Variants in PTK2B observed in about 807,000 individuals in gnomAD.
The protein encoded by PTK2B is protein tyrosine kinase 2 beta, also known as protein-tyrosine kinase 2-beta.
In PTK2B, 71 loss-of-function variants were observed where a neutral mutation model predicts 142.9. That is an observed-to-expected ratio of 0.50 (90% CI 0.41 to 0.61). The LOEUF is 0.61. PTK2B is among the 20% of genes least tolerant of loss of function. The pLI is 0.00. For synonymous variants in PTK2B, 519 were observed against 503.4 expected, an observed-to-expected ratio of 1.03 and a Z score of -0.42; for missense variants, 1,105 against 1,320.4, an observed-to-expected ratio of 0.84 and a Z score of 2.53.
intron 1 of PTK2B, among the ~76,000 whole-genome samples, chr8:27,354,557 G>C (rs1805289320): frequency 6.6e-6 from 1 of 152,216 alleles, no homozygotes; most frequent in Admixed American, 6.5e-5. Context: ...CGGCAGGTAT[G>C]TTGACTGTTG....
chr8:27,326,040 T>C (rs758186631), intron 1 of PTK2B, among the ~76,000 whole-genome samples: 1 of 151,452 alleles, frequency 6.6e-6, no homozygotes, highest in Non-Finnish European at 1.5e-5. Context: ...AGCCACGGGG[T>C]TTCAGCTCCT....
upstream of PTK2B, among the ~76,000 whole-genome samples, chr8:27,320,790 G>A (rs1586071998): frequency 6.6e-6 from 1 of 151,974 alleles, no homozygotes; most frequent in Non-Finnish European, 1.5e-5. Context: ...AGGCATGACT[G>A]ATTACAGTAT....
At chr8:27,347,214 T>TGAA (rs5890367) in intron 1 of PTK2B, among the ~76,000 whole-genome samples, 2 of 141,928 alleles carry the variant, frequency 1.4e-5, no homozygotes, top group Admixed American at 1.4e-4. Flanking sequence ...CCATCTCTAC[T>TGAA]AAAAAAAAAA....
chr8:27,431,002 C>A lies in PTK2B; in HGVS notation c.796C>A (p.Arg266Ser). 6.2e-7 allele frequency: 1 copy of A among 1,613,756 alleles called. No individual in the cohort carries two copies. Among genetic ancestry groups the A allele is most frequent in the Non-Finnish European group, 8.5e-7 (1 of 1,179,774 alleles). ...GFANIDQETY[R>S]CELIQGWNIT... ...CGCCAACATCGACCAGGAGACCTAC[C>A]GCTGTGAACTCATTGTAATGGCGGG... The change falls in exon 8 of 31, where the codon CGC becomes AGC. Residue 266 changes from arginine to serine, a missense_variant. By Grantham distance (110) the Arg-to-Ser change is moderately radical. Transcript: ENST00000346049.
chr8:27,407,197 G>T (rs1243558849), intron 2 of PTK2B, among the ~76,000 whole-genome samples: 1 of 152,118 alleles, frequency 6.6e-6, no homozygotes, highest in Non-Finnish European at 1.5e-5. Flanking sequence ...AACCTTTTCA[G>T]CCTTTTTTCT....
intron 22 of PTK2B, 77 bp from the exon 23 acceptor site, chr8:27,444,129 A>ACCTGATGTT: frequency 6.9e-7 from 1 of 1,451,042 alleles, no homozygotes; most frequent in South Asian, 1.1e-5. Flanking sequence ...GGTGTCTTTG[A>ACCTGATGTT]CCTGATGTTC....
At chr8:27,326,226 ATGTGTGTG>A (rs4054914) in intron 1 of PTK2B, among the ~76,000 whole-genome samples, 99 of 146,692 alleles carry the variant, frequency 6.7e-4, no homozygotes, top group Admixed American at 9.5e-4. Flanking sequence ...GCTCGTGTGT[ATGTGTGTG>A]TGTGTGTGTG....
intron 1 of PTK2B, among the ~76,000 whole-genome samples, chr8:27,372,126 A>T (rs181045988): frequency 1.3e-5 from 2 of 152,234 alleles, no homozygotes; most frequent in African/African-American, 2.4e-5. Flanking sequence ...CACTAGAAAT[A>T]TGATATAAAT....
intron 1 of PTK2B, among the ~76,000 whole-genome samples, chr8:27,383,917 C>G (rs1009533575): frequency 6.8e-6 from 1 of 147,542 alleles, no homozygotes; most frequent in Non-Finnish European, 1.5e-5. Context: ...GGTGTGATCT[C>G]GGCTCACCAC....
chr8:27,442,496 C>T (rs944786644), intron 21 of PTK2B, among the ~76,000 whole-genome samples: 1 of 152,190 alleles, frequency 6.6e-6, no homozygotes, highest in African/African-American at 2.4e-5. Flanking sequence ...AGGCCAGGGC[C>T]ATGAAGTTGG....
chr8:27,422,040 A>T (rs923290081), intron 4 of PTK2B, among the ~76,000 whole-genome samples: 2 of 152,194 alleles, frequency 1.3e-5, no homozygotes, highest in African/African-American at 4.8e-5. Flanking sequence ...AATGGGGGGC[A>T]GGGGAGGGGA....
chr8:27,372,252 AG>A (rs1382764350), intron 1 of PTK2B, among the ~76,000 whole-genome samples: 1 of 152,246 alleles, frequency 6.6e-6, no homozygotes. Flanking sequence ...CCAGAGAAAC[AG>A]AACAGACAAG....
chr8:27,386,731 G>A (rs930445070), intron 1 of PTK2B, among the ~76,000 whole-genome samples: 8 of 152,180 alleles, frequency 5.3e-5, no homozygotes, highest in African/African-American at 1.7e-4. Context: ...CGTATACTAG[G>A]TTTGCAAAGA....
chr8:27,456,598 T>C (rs1364934219), intron 30 of PTK2B, among the ~76,000 whole-genome samples: 1 of 152,188 alleles, frequency 6.6e-6, no homozygotes, highest in Non-Finnish European at 1.5e-5. Context: ...GGTCTCTGCA[T>C]GTTCAAGTAA....
intron 2 of PTK2B, among the ~76,000 whole-genome samples, chr8:27,415,680 G>A (rs971192481): frequency 2.6e-5 from 4 of 152,180 alleles, no homozygotes; most frequent in African/African-American, 9.7e-5. Flanking sequence ...AGCTTAAAGT[G>A]TCAGAGGATA....
intron 2 of PTK2B, among the ~76,000 whole-genome samples, chr8:27,399,418 TAGAA>T (rs1366988763): frequency 1.3e-5 from 2 of 152,222 alleles, no homozygotes; most frequent in Non-Finnish European, 2.9e-5. Context: ...GGATTATATT[TAGAA>T]AAGTATCTAA....
chr8:27,433,304 G>A, intron 10 of PTK2B, 131 bp from the exon 11 acceptor site: 1 of 750,212 alleles, frequency 1.3e-6, no homozygotes, highest in Non-Finnish European at 2.3e-6. Flanking sequence ...CAGGGCCCCA[G>A]GAGAGGTGCA....
upstream of PTK2B, chr8:27,311,275 C>T (rs201906440): frequency 6.2e-4 from 903 of 1,460,988 alleles, 8 homozygotes; most frequent in Non-Finnish European, 3.0e-5. Flanking sequence ...ACTTTTGCTC[C>T]GGCCCCTCCC....
chr8:27,336,623 G>A (rs1278900893), intron 1 of PTK2B, among the ~76,000 whole-genome samples: 1 of 152,190 alleles, frequency 6.6e-6, no homozygotes, highest in African/African-American at 2.4e-5. Flanking sequence ...TCAATCACAT[G>A]CTAATAACAA....
Sources: gnomAD v4.1 joint callset for allele counts (sites outside exome capture counted in the v4.1 genomes callset) on GRCh38, gnomAD v4.1.1 for gene constraint, MANE v1.5 for transcripts, NCBI Gene and HGNC (gene_info 2026-07-23, HGNC 2026-07-21) for gene names.